The following SHH variants were observed in gnomAD, a reference collection of about 807,000 sequenced individuals.
SHH encodes the protein sonic hedgehog protein.
Under a neutral mutation model 16.6 loss-of-function variants are expected in SHH, and 3 were observed. The ratio of observed to expected loss-of-function variants is 0.18; its 90% CI spans 0.08 to 0.47. The LOEUF (loss-of-function observed/expected upper bound fraction) is 0.47. Ranked by LOEUF, SHH falls within the 20% of genes least tolerant of loss-of-function variation. The pLI is 0.98. For missense variants in SHH, 499 were observed against 665.0 expected (o/e 0.75, Z 2.75); for synonymous variants, 351 against 316.2 (o/e 1.11, Z -1.17).
At chr7:155,806,669 C>T (rs1234385054) in intron 1 of SHH, 112 bp from the exon 2 acceptor site, 6 of 1,369,172 alleles carry the variant, frequency 4.4e-6, no homozygotes, top group South Asian at 1.2e-5. Context: ...GAGGGCCATG[C>T]GGAGAGGTGG....
rs929000349 is a variant in SHH at position 155,809,945 on chromosome 7, C to T, written c.300+1878G>A. ...TCCCAGGGCAGGCCGGCGGAGCCCGCGATGCGCCCCGGCCCCTGCGCGGGC... is the reference window on the plus strand; with the variant it reads ...TCCCAGGGCAGGCCGGCGGAGCCCGTGATGCGCCCCGGCCCCTGCGCGGGC... On this transcript the variant is annotated intron_variant, in intron 1 of 2. Coordinates refer to ENST00000297261, the MANE Select transcript of SHH (RefSeq NM_000193.4). This position sits in a 1 kb window ranked among gnomAD's most constrained non-coding sequence, Gnocchi z 6.1. Among the ~76,000 whole-genome samples, 15 of 151,724 alleles carry T rather than the reference C, an allele frequency of 9.9e-5. No individual in the cohort carries two copies. Among genetic ancestry groups the T allele is most frequent in the African/African-American group, 3.6e-4 (15 of 41,492 alleles).
In SHH at chr7:155,803,212, C is replaced by T. The variant is rs2117126432; in HGVS notation, c.1077G>A (p.Val359=). 1 of 1,509,992 alleles carries T rather than the reference C, an allele frequency of 6.6e-7. No individual in the cohort carries two copies. The highest frequency in any genetic ancestry group is 1.4e-5 in the African/African-American group (1 of 69,840). The allele number at this position is 1,509,992 out of a possible 1,614,324, so 93.5% of individuals were successfully genotyped here. A position where few individuals can be genotyped will look rare whatever the true frequency, so the allele number is the denominator to read the frequency against. ...TAQGTILINR[V]LASCYAVIEE... is the part of the protein sequence containing the mutation. ...CGATGACCGCGTAGCACGAGGCCAG[C>T]ACCCGGTTGATGAGAATGGTGCCCT... The change falls in exon 3 of 3, where the codon GTG becomes GTA. Residue 359 remains valine (V), a synonymous_variant. Coordinates refer to ENST00000297261, the MANE Select transcript of SHH (RefSeq NM_000193.4).
intron 2 of SHH, among the ~76,000 whole-genome samples, chr7:155,804,949 C>A (rs1803309896): frequency 6.6e-6 from 1 of 152,250 alleles, no homozygotes; most frequent in African/African-American, 2.4e-5. Flanking sequence ...CCGTTGGAGG[C>A]CCTCCGTAGC....
intron 2 of SHH, among the ~76,000 whole-genome samples, chr7:155,804,227 G>GGCCCGCCT (rs112069193): frequency 0.11 from 16,679 of 151,134 alleles, 1,084 homozygotes; most frequent in East Asian, 0.3. Context: ...GGAAACCCCT[G>GGCCCGCCT]GCCCGCCTGC....
chr7:155,803,208 C>T lies in SHH; in HGVS notation c.1081G>A (p.Ala361Thr), dbSNP rs780916336. 4 of 1,506,366 alleles carry T rather than the reference C, an allele frequency of 2.7e-6. No homozygotes were observed. The highest frequency in any genetic ancestry group is 2.5e-5 in the South Asian group (2 of 80,036). The allele number at this position is 1,506,366 out of a possible 1,614,324, so 93.3% of individuals were successfully genotyped here. ...TCCTCGATGACCGCGTAGCACGAGGCCAGCACCCGGTTGATGAGAATGGTG... is the reference window on the plus strand; with the variant it reads ...TCCTCGATGACCGCGTAGCACGAGGTCAGCACCCGGTTGATGAGAATGGTG... ...QGTILINRVL[A>T]SCYAVIEEHS... Residue 361 changes from alanine (A) to threonine (T), a missense_variant, in exon 3 of 3, where the codon GCC becomes ACC. Ala to Thr is a moderately conservative substitution (Grantham distance 58). Around this residue, in one of 4 missense-constraint regions of SHH, gnomAD observed 299 missense variants for 301.1 expected, o/e 0.99. Coordinates refer to ENST00000297261, the MANE Select transcript of SHH (RefSeq NM_000193.4).
intron 1 of SHH, among the ~76,000 whole-genome samples, chr7:155,808,329 C>T (rs1382111343): frequency 6.6e-6 from 1 of 152,222 alleles, no homozygotes; most frequent in African/African-American, 2.4e-5. Flanking sequence ...CCCATGCAAG[C>T]CCCCCACCCC....
At chr7:155,811,624 C>T (rs1417410650) in intron 1 of SHH, among the ~76,000 whole-genome samples, 199 bp downstream of exon 1, 1 of 152,138 alleles carries the variant, frequency 6.6e-6, no homozygotes, top group Non-Finnish European at 1.5e-5. Context: ...ACACCCTAAA[C>T]TTCTCCAGCT....
chr7:155,804,008 C>T (rs1803280184), intron 2 of SHH, among the ~76,000 whole-genome samples: 1 of 152,234 alleles, frequency 6.6e-6, no homozygotes, highest in African/African-American at 2.4e-5. Context: ...GCCGGTGACA[C>T]TCTTTCCTTC....
intron 1 of SHH, among the ~76,000 whole-genome samples, chr7:155,810,518 C>G (rs1483713858): frequency 6.6e-6 from 1 of 152,252 alleles, no homozygotes; most frequent in Non-Finnish European, 1.5e-5. Flanking sequence ...CTGTCTGGCA[C>G]TGGCGCGCGC....
chr7:155,806,773 C>T (rs1189814685), intron 1 of SHH: 2 of 682,278 alleles, frequency 2.9e-6, no homozygotes. Flanking sequence ...TGGAGGAGCA[C>T]GTCCTCTCAG....
At position 155,809,452 on chromosome 7, in the gene SHH, C is replaced by T. The variant is rs568193144; in HGVS notation, c.300+2371G>A. ...CCGCCCCTGCCCTCAGCACCCGAGC[C>T]TCCGCCTTCCCCATCCCTTCCTCCC... On this transcript the variant is annotated intron_variant, in intron 1 of 2. Coordinates refer to ENST00000297261, the MANE Select transcript of SHH (RefSeq NM_000193.4). This position sits in a 1 kb window ranked among gnomAD's most constrained non-coding sequence, Gnocchi z 6.1. Among the ~76,000 whole-genome samples, 6 of 152,234 alleles carry T rather than the reference C, an allele frequency of 3.9e-5. No individual in the cohort carries two copies. In the South Asian group the frequency reaches 1.0e-3, roughly 26 times the overall value.
chr7:155,812,143 C>A lies in SHH; in HGVS notation c.-21G>T. On this transcript the variant is annotated 5_prime_UTR_variant, in exon 1 of 3. Coordinates refer to ENST00000297261, the MANE Select transcript of SHH (RefSeq NM_000193.4). ...AGCATCTCGCCCATGGAACTGATGA[C>A]TTCCGAGCTGTCCCCGTGCGGGTCC... The A allele has an allele frequency of 6.2e-7, 1 of 1,613,398 alleles. No homozygotes were observed. The highest frequency in any genetic ancestry group is 8.5e-7 in the Non-Finnish European group (1 of 1,179,604).
In SHH at chr7:155,809,405, C is replaced by T. The variant is rs1283899421; in HGVS notation, c.300+2418G>A. On this transcript the variant is annotated intron_variant, in intron 1 of 2. Coordinates refer to ENST00000297261, the MANE Select transcript of SHH (RefSeq NM_000193.4). The surrounding 1 kb of genome is among the most constrained non-coding windows in gnomAD (Gnocchi z 6.1). ...CCCCAAACCTCCCGCCGGCCTGGGG[C>T]TCCCCTGCCGCCTCCTGCACCCCGC... 3.9e-5 allele frequency among the ~76,000 whole-genome samples: 6 copies of T among 152,070 alleles called. No individual in the cohort carries two copies. The highest frequency in any genetic ancestry group is 1.2e-4 in the African/African-American group (5 of 41,436).
In SHH at chr7:155,803,429, G is replaced by GT. The variant is rs1563199155; in HGVS notation, c.859_860insA (p.Ala287AspfsTer36). The GT allele has an allele frequency of 1.3e-6, 2 of 1,533,388 alleles. No individual in the cohort carries two copies. The highest frequency in any genetic ancestry group is 3.9e-5 in the Admixed American group (2 of 50,968). 95.0% of individuals were successfully genotyped at this position (1,533,388 alleles called of 1,614,324 possible). A position where few individuals can be genotyped will look rare whatever the true frequency, so the allele number is the denominator to read the frequency against. On this transcript the variant is annotated frameshift_variant, in exon 3 of 3. Coordinates refer to ENST00000297261, the MANE Select transcript of SHH (RefSeq NM_000193.4). LOFTEE classifies it low-confidence loss of function (END_TRUNC). ...GGAAGGCGGCCCCGAGCCCGAGGAC[G>GT]CCTCGGGCTCCCCGGTGGCCGAGTC...
chr7:155,805,612 C>T (rs1803336704), intron 2 of SHH, among the ~76,000 whole-genome samples: 1 of 152,204 alleles, frequency 6.6e-6, no homozygotes, highest in South Asian at 2.1e-4. Context: ...CTGTTCCTCG[C>T]CGGCAACAGC....
chr7:155,802,752 G>C lies in SHH; in HGVS notation c.*148C>G. The C allele has an allele frequency of 2.2e-6, 1 of 461,630 alleles. No homozygotes were observed. The highest frequency in any genetic ancestry group is 3.5e-6 in the Non-Finnish European group (1 of 283,496). The allele number at this position is 461,630 out of a possible 1,614,324, so 28.6% of individuals were successfully genotyped here. ...TTCCCGGGGTCCTTGTTTCCTTAGA[G>C]TCTACTTTGGACTGTCCTACTTTAT... On this transcript the variant is annotated 3_prime_UTR_variant, in exon 3 of 3. Transcript: ENST00000297261.
Position 155,802,875 on chromosome 7 carries a change from G to T in SHH, c.*25C>A. 8.5e-6 allele frequency: 2 copies of T among 236,294 alleles called. No homozygotes were observed. Among genetic ancestry groups the T allele is most frequent in the Non-Finnish European group, 1.2e-5 (2 of 166,410 alleles). 14.6% of individuals were successfully genotyped at this position (236,294 alleles called of 1,614,324 possible). The stretch of plus-strand genomic sequence containing the variant: ...TTGCTGCCCCGCCCCGCCCCCTCCC[G>T]CGCCCCTCCCCCGGCCCCCCGGCTT... On this transcript the variant is annotated 3_prime_UTR_variant, in exon 3 of 3. Coordinates refer to ENST00000297261, the MANE Select transcript of SHH (RefSeq NM_000193.4).
In SHH at chr7:155,803,531, T is replaced by A; in HGVS notation, c.758A>T (p.Tyr253Phe). 6.3e-7 allele frequency: 1 copy of A among 1,592,414 alleles called. No homozygotes were observed. Among genetic ancestry groups the A allele is most frequent in the Non-Finnish European group, 8.5e-7 (1 of 1,175,430 alleles). ...GCGCGGCTCCCGCGTCTCGATCACG[T>A]AGAAGACCTTCTTGGCGCCGTCGTC... ...DRDDGAKKVF[Y>F]VIETREPRER... Residue 253 changes from tyrosine (Y) to phenylalanine (F), a missense_variant, in exon 3 of 3, where the codon TAC becomes TTC. Transcript: ENST00000297261.
chr7:155,803,798 G>T, intron 2 of SHH, 72 bp from the exon 3 acceptor site: 2 of 1,356,930 alleles, frequency 1.5e-6, no homozygotes, highest in Non-Finnish European at 2.1e-6. Flanking sequence ...GTCTCGGGGA[G>T]GAGGGCGCAC....
Sources: gnomAD v4.1 joint callset for allele counts (sites outside exome capture counted in the v4.1 genomes callset) on GRCh38, gnomAD v4.1.1 for gene constraint, gnomAD v4.1.1 regional missense constraint, Gnocchi (gnomAD v3.1) non-coding constraint, MANE v1.5 for transcripts, NCBI Gene and HGNC (gene_info 2026-07-23, HGNC 2026-07-21) for gene names.